Variants in PRKD1 observed in about 807,000 individuals in gnomAD.
PRKD1 encodes protein kinase D1.
A neutral mutation model predicts 95.9 loss-of-function variants in PRKD1; 63 were observed. That is an observed-to-expected ratio of 0.66 (90% CI 0.54 to 0.81). The LOEUF (loss-of-function observed/expected upper bound fraction) is 0.81. PRKD1 is among the 30% of genes least tolerant of loss of function. PRKD1 has a pLI of 0.00. For missense variants in PRKD1, 1,048 were observed against 1,165.3 expected (o/e 0.90, Z 1.47); for synonymous variants, 425 against 423.1 (o/e 1.00, Z -0.05).
chr14:29,677,139 AT>A (rs147951811), intron 2 of PRKD1, among the ~76,000 whole-genome samples: 23 of 152,292 alleles, frequency 1.5e-4, no homozygotes, highest in African/African-American at 4.3e-4. Flanking sequence ...ATTTTTCTCC[AT>A]TTATTTGATA....
intron 11 of PRKD1, 118 bp downstream of exon 11, chr14:29,628,923 C>A: frequency 1.7e-6 from 1 of 603,000 alleles, no homozygotes; most frequent in Non-Finnish European, 2.6e-6. Context: ...TATCCAAATT[C>A]TATTTTGCTT....
chr14:29,801,783 G>A (rs1890041938), intron 1 of PRKD1, among the ~76,000 whole-genome samples: 2 of 152,148 alleles, frequency 1.3e-5, no homozygotes, highest in South Asian at 4.1e-4. Context: ...CCGCCTCCCA[G>A]GTTCAAGCGT....
intron 2 of PRKD1, among the ~76,000 whole-genome samples, chr14:29,695,104 G>A (rs1008015028): frequency 2.6e-5 from 4 of 151,780 alleles, no homozygotes; most frequent in African/African-American, 9.7e-5. Flanking sequence ...CATGGTGGTG[G>A]GTGCCTGTAA....
At chr14:29,628,946 T>G (rs1378453814) in intron 11 of PRKD1, 95 bp downstream of exon 11, 3 of 908,596 alleles carry the variant, frequency 3.3e-6, no homozygotes, top group Non-Finnish European at 4.7e-6. Flanking sequence ...CAAAATTTAC[T>G]AAAAAATTAA....
intron 1 of PRKD1, among the ~76,000 whole-genome samples, chr14:29,809,377 G>A (rs777856535): frequency 2.0e-5 from 3 of 152,194 alleles, no homozygotes; most frequent in Middle Eastern, 3.2e-3. Context: ...AGGCTTTGAA[G>A]CCAGGCATTC....
intron 1 of PRKD1, among the ~76,000 whole-genome samples, chr14:29,763,373 A>AGGAAGGAAGGAAGGAGGGAC (rs1888098446): frequency 8.0e-6 from 1 of 125,488 alleles, no homozygotes; most frequent in African/African-American, 3.0e-5. Flanking sequence ...GAAGGAGGGA[A>AGGAAGGAAGGAAGGAGGGAC]GGAAGGAAGG....
chr14:29,587,036 G>A (rs919614916), intron 16 of PRKD1, among the ~76,000 whole-genome samples: 1 of 152,180 alleles, frequency 6.6e-6, no homozygotes, highest in African/African-American at 2.4e-5. Flanking sequence ...GAACAGGAGG[G>A]TGAAGAAAAA....
chr14:29,689,594 C>A (rs1001274853), intron 2 of PRKD1, among the ~76,000 whole-genome samples: 13 of 152,102 alleles, frequency 8.5e-5, no homozygotes, highest in African/African-American at 3.1e-4. Context: ...AGCAGAAATA[C>A]CCATTTGAGC....
intron 1 of PRKD1, among the ~76,000 whole-genome samples, chr14:29,868,517 C>T (rs1041804539): frequency 2.6e-5 from 4 of 152,168 alleles, no homozygotes; most frequent in African/African-American, 9.7e-5. Flanking sequence ...TATGGAGGTA[C>T]ATACACTTGG....
intron 13 of PRKD1, among the ~76,000 whole-genome samples, chr14:29,605,098 A>T (rs1248185914): frequency 6.6e-6 from 1 of 151,472 alleles, no homozygotes; most frequent in Non-Finnish European, 1.5e-5. Flanking sequence ...CTTCATCCTC[A>T]CCTCTGCTGC....
intron 1 of PRKD1, among the ~76,000 whole-genome samples, chr14:29,730,463 C>T (rs1056234251): frequency 6.6e-6 from 1 of 152,032 alleles, no homozygotes; most frequent in Non-Finnish European, 1.5e-5. Context: ...GGAGGTTCTT[C>T]AAAAAACTAA....
chr14:29,803,787 T>C (rs1025820614), intron 1 of PRKD1, among the ~76,000 whole-genome samples: 1 of 152,208 alleles, frequency 6.6e-6, no homozygotes, highest in African/African-American at 2.4e-5. Context: ...TTTATATTAA[T>C]GCTTAGACTG....
chr14:29,790,523 G>T (rs983940615), intron 1 of PRKD1, among the ~76,000 whole-genome samples: 7 of 151,878 alleles, frequency 4.6e-5, no homozygotes, highest in Non-Finnish European at 8.8e-5. Context: ...CAGCCCCACG[G>T]GATTTTTTAA....
intron 3 of PRKD1, among the ~76,000 whole-genome samples, chr14:29,665,842 A>G (rs575748378): frequency 1.3e-5 from 2 of 152,274 alleles, no homozygotes; most frequent in South Asian, 4.1e-4. Context: ...AGATCTATGT[A>G]TGTATACACA....
rs575697745 is a variant in PRKD1 at position 29,927,521 on chromosome 14, G to C, written c.-9C>G. On this transcript the variant is annotated 5_prime_UTR_variant, in exon 1 of 18. Coordinates refer to ENST00000331968, the MANE Select transcript of PRKD1 (RefSeq NM_002742.3). ...ACCGGAGGGGCGCTCATCGCTCGGC[G>C]GGGCGCAGGGCCGGGCAGCGGAGGG... is the stretch of plus-strand genomic sequence containing the variant. The C allele has an allele frequency of 1.9e-5, 22 of 1,178,358 alleles. No individual in the cohort carries two copies. The highest frequency in any genetic ancestry group is 3.2e-5 in the African/African-American group (2 of 61,902). 73.0% of individuals were successfully genotyped at this position (1,178,358 alleles called of 1,614,324 possible).
chr14:29,687,222 A>G (rs1052206185), intron 2 of PRKD1, among the ~76,000 whole-genome samples: 4 of 152,230 alleles, frequency 2.6e-5, no homozygotes, highest in Non-Finnish European at 5.9e-5. Flanking sequence ...TGCATGAGGA[A>G]AAGCAACGTG....
chr14:29,861,695 C>A (rs1478976117), intron 1 of PRKD1, among the ~76,000 whole-genome samples: 1 of 152,262 alleles, frequency 6.6e-6, no homozygotes, highest in East Asian at 1.9e-4. Flanking sequence ...CTCTGTCACC[C>A]AGGCTGGAGT....
At chr14:29,739,740 T>C (rs1886900627) in intron 1 of PRKD1, among the ~76,000 whole-genome samples, 1 of 152,220 alleles carries the variant, frequency 6.6e-6, no homozygotes, top group African/African-American at 2.4e-5. Context: ...TGATGTTGTG[T>C]ATCAAGTATT....
intron 16 of PRKD1, among the ~76,000 whole-genome samples, chr14:29,588,831 T>C (rs1893026033): frequency 7.0e-6 from 1 of 143,238 alleles, no homozygotes; most frequent in East Asian, 2.0e-4. Context: ...TGTGTGTGTG[T>C]GTTTGTGTCA....
Sources: gnomAD v4.1 joint callset for allele counts (sites outside exome capture counted in the v4.1 genomes callset) on GRCh38, gnomAD v4.1.1 for gene constraint, MANE v1.5 for transcripts, NCBI Gene and HGNC (gene_info 2026-07-23, HGNC 2026-07-21) for gene names.